Variants in FN1 observed in about 807,000 individuals in gnomAD.
FN1 encodes fibronectin.
Under a neutral mutation model 297.3 loss-of-function variants are expected in FN1, and 106 were observed. That is an observed-to-expected ratio of 0.36 (90% CI 0.30 to 0.42). The LOEUF is 0.42. Ranked by LOEUF, FN1 falls within the 10% of genes least tolerant of loss-of-function variation. FN1 has a pLI of 1.00. For synonymous variants in FN1, 1,149 were observed against 1,152.6 expected, an observed-to-expected ratio of 1.00 and a Z score of 0.06; for missense variants, 2,690 against 3,124.9, an observed-to-expected ratio of 0.86 and a Z score of 3.32.
At position 215,419,318 on chromosome 2, in the gene FN1, A is replaced by AT; in HGVS notation, c.1742dup (p.His581GlnfsTer38). On this transcript the variant is annotated frameshift_variant, in exon 12 of 46. Transcript: ENST00000354785. LOFTEE classifies it high-confidence loss of function. ...AGCAGTAGCACTGGTATCTGACACC[A>AT]TGCACATACTTCTCCCATGAATCTC... is the stretch of plus-strand genomic sequence containing the variant. The AT allele has an allele frequency of 6.2e-7, 1 of 1,612,556 alleles. No individual in the cohort carries two copies.
intron 29 of FN1, 58 bp from the exon 30 acceptor site, chr2:215,384,242 T>C (rs1463967045): frequency 3.3e-6 from 5 of 1,498,804 alleles, no homozygotes; most frequent in East Asian, 4.5e-5. Context: ...TGGGTATTAC[T>C]GATTAATTGA....
chr2:215,401,218 GAA>G (rs1575569279), intron 20 of FN1, among the ~76,000 whole-genome samples: 1 of 42,950 alleles, frequency 2.3e-5, no homozygotes. Flanking sequence ...AAGAAAGAAA[GAA>G]AGAAAGAAAG....
intron 44 of FN1, chr2:215,364,511 G>A: frequency 3.0e-6 from 1 of 336,362 alleles, no homozygotes; most frequent in South Asian, 2.9e-5. Flanking sequence ...AATTTGAATA[G>A]TATCTCTGCT....
At chr2:215,417,725 G>A (rs954629779) in intron 12 of FN1, among the ~76,000 whole-genome samples, 3 of 152,116 alleles carry the variant, frequency 2.0e-5, no homozygotes, top group Non-Finnish European at 2.9e-5. Flanking sequence ...ATGCTCAGTG[G>A]GATCTTGCTG....
Position 215,384,965 on chromosome 2 carries a change from G to A in FN1, c.4624C>T (p.Pro1542Ser). The A allele has an allele frequency of 1.2e-6, 2 of 1,612,254 alleles. No homozygotes were observed. Among genetic ancestry groups the A allele is most frequent in the Non-Finnish European group, 1.7e-6 (2 of 1,178,522 alleles). The change falls in exon 29 of 46, where the codon CCG becomes TCG. Residue 1542 changes from proline (P) to serine (S), a missense_variant. Pro to Ser is a moderately conservative substitution (Grantham distance 74). Around this residue, in one of 3 missense-constraint regions of FN1, gnomAD observed 1,743 missense variants for 1,945.2 expected, o/e 0.90. Coordinates refer to ENST00000354785, the MANE Select transcript of FN1 (RefSeq NM_212482.4). ...IGQQSTVSDV[P>S]RDLEVVAATP... The stretch of plus-strand genomic sequence containing the variant: ...GCAGCAACAACTTCCAGGTCCCTCG[G>A]AACATCAGAAACTAGAAAAAAAAGG...
At chr2:215,397,250 C>T (rs2060403582) in intron 22 of FN1, 27 bp from the exon 23 acceptor site, 1 of 1,512,628 alleles carries the variant, frequency 6.6e-7, no homozygotes, top group Non-Finnish European at 9.2e-7. Context: ...TTTTAAAAGT[C>T]AAAGCTGACA....
intron 23 of FN1, among the ~76,000 whole-genome samples, chr2:215,395,335 C>T (rs1006099430): frequency 5.3e-5 from 8 of 151,858 alleles, no homozygotes; most frequent in Non-Finnish European, 8.8e-5. Context: ...GTTGGGAGTT[C>T]GAGACCAGCC....
intron 39 of FN1, 92 bp downstream of exon 39, chr2:215,373,229 CA>C: frequency 1.0e-6 from 1 of 991,188 alleles, no homozygotes; most frequent in African/African-American, 1.6e-5. Flanking sequence ...AGAAATGCAT[CA>C]AAACATGGAG....
intron 44 of FN1, chr2:215,362,316 G>GTCTC (rs1028475224): frequency 1.9e-6 from 1 of 525,400 alleles, no homozygotes; most frequent in Non-Finnish European, 3.4e-6. Flanking sequence ...CTCCTGAAAT[G>GTCTC]TCTCTTCTCT....
chr2:215,395,637 G>T (rs1414098112), intron 23 of FN1, among the ~76,000 whole-genome samples: 2 of 152,124 alleles, frequency 1.3e-5, no homozygotes, highest in African/African-American at 4.8e-5. Context: ...AGAGGGATGA[G>T]AGACATTCAA....
intron 2 of FN1, among the ~76,000 whole-genome samples, chr2:215,434,490 G>C (rs1313464876): frequency 6.6e-6 from 1 of 152,010 alleles, no homozygotes; most frequent in East Asian, 1.9e-4. Flanking sequence ...GAAGACTCTA[G>C]GAACTAATTT....
chr2:215,406,637 C>T, intron 18 of FN1, 127 bp from the exon 19 acceptor site: 1 of 954,894 alleles, frequency 1.0e-6, no homozygotes, highest in Non-Finnish European at 1.6e-6. Flanking sequence ...AGTTTTGTCT[C>T]TTAATCAGAT....
Position 215,362,403 on chromosome 2 carries a change from T to C in FN1, c.7252-324A>G, listed in dbSNP as rs75675195. ...TCAACAAGTTCTCTGCACTAGATGATAGAAAAGGTTTTCAAAGAATCCTAG... is the reference window on the plus strand; with the variant it reads ...TCAACAAGTTCTCTGCACTAGATGACAGAAAAGGTTTTCAAAGAATCCTAG... On this transcript the variant is annotated intron_variant, in intron 44 of 45. Transcript: ENST00000354785. 4.1e-3 allele frequency: 1,389 copies of C among 338,168 alleles called. 13 individuals are homozygous for C. Among genetic ancestry groups the C allele is most frequent in the East Asian group, 0.024 (339 of 14,368 alleles). The allele number at this position is 338,168 out of a possible 1,614,324, so 20.9% of individuals were successfully genotyped here.
At chr2:215,422,684 G>A (rs570612894) in intron 9 of FN1, among the ~76,000 whole-genome samples, 1 of 152,258 alleles carries the variant, frequency 6.6e-6, no homozygotes, top group South Asian at 2.1e-4. Flanking sequence ...AGAAATAAAA[G>A]TATAAGCAAT....
intron 10 of FN1, 85 bp from the exon 11 acceptor site, chr2:215,420,886 A>G (rs2106405292): frequency 8.6e-7 from 1 of 1,164,886 alleles, no homozygotes; most frequent in South Asian, 1.2e-5. Context: ...AAAGCATACA[A>G]CTACTTCCAC....
At chr2:215,407,432 G>A in intron 17 of FN1, 111 bp from the exon 18 acceptor site, 1 of 886,878 alleles carries the variant, frequency 1.1e-6, no homozygotes, top group Non-Finnish European at 1.9e-6. Context: ...CTTGATTAGT[G>A]AAGAGCCAGT....
At chr2:215,416,395 T>TAA in intron 12 of FN1, among the ~76,000 whole-genome samples, 2 of 152,292 alleles carry the variant, frequency 1.3e-5, no homozygotes, top group Middle Eastern at 6.8e-3. Context: ...GTCAATTCCA[T>TAA]GCCTATCTTT....
chr2:215,372,160 T>G lies in FN1; in HGVS notation c.6463A>C (p.Thr2155Pro), dbSNP rs752803127. ...CTATGCCTTATGGGGGTGGCCGTTG[T>G]GGGCGGTGTGGTCCGCCTAAAACCA... The part of the protein sequence containing the change: ...EHGFRRTTPP[T>P]TATPIRHRPR... The change falls in exon 40 of 46, where the codon ACA becomes CCA. Residue 2155 changes from threonine to proline, a missense_variant. Thr to Pro is a conservative substitution (Grantham distance 38). This residue lies in a region of FN1 where 1,743 missense variants were observed against 1,945.2 expected (regional missense o/e 0.90). Transcript: ENST00000354785. The G allele has an allele frequency of 1.9e-6, 3 of 1,614,226 alleles. No individual in the cohort carries two copies. Among genetic ancestry groups the G allele is most frequent in the East Asian group, 2.2e-5 (1 of 44,884 alleles).
intron 12 of FN1, among the ~76,000 whole-genome samples, chr2:215,417,621 C>T (rs778636548): frequency 2.6e-5 from 4 of 152,314 alleles, no homozygotes; most frequent in East Asian, 3.9e-4. Flanking sequence ...TAAAGCCCTA[C>T]GTGCTAGGCC....
Sources: allele counts gnomAD v4.1 joint callset (sites outside exome capture counted in the v4.1 genomes callset), GRCh38; gene constraint gnomAD v4.1.1; regional missense constraint gnomAD v4.1.1; transcripts MANE v1.5; gene names NCBI Gene and HGNC (gene_info 2026-07-23, HGNC 2026-07-21).